Variants in CAMK1D observed in about 807,000 individuals in gnomAD.
The protein encoded by CAMK1D is calcium/calmodulin dependent protein kinase ID, also known as calcium/calmodulin-dependent protein kinase type 1D.
In CAMK1D, 9 loss-of-function variants were observed where a neutral mutation model predicts 47.7. The observed-to-expected ratio is 0.19, with a 90% confidence interval of 0.11 to 0.33. The LOEUF (loss-of-function observed/expected upper bound fraction) is 0.33, where lower values mean the gene tolerates loss of function less well. CAMK1D is among the 10% of genes least tolerant of loss of function. The pLI, the probability that CAMK1D is intolerant of heterozygous loss-of-function variation, is 1.00. For missense variants in CAMK1D, 291 were observed against 488.7 expected (o/e 0.60, Z 3.81); for synonymous variants, 184 against 184.9 (o/e 0.99, Z 0.04).
At chr10:12,507,804 T>G (rs1228375668) in intron 1 of CAMK1D, among the ~76,000 whole-genome samples, 2 of 152,222 alleles carry the variant, frequency 1.3e-5, no homozygotes, top group African/African-American at 4.8e-5. Context: ...ATAATGCATT[T>G]GTCTTTTTCT....
chr10:12,491,912 A>G (rs1232975563), intron 1 of CAMK1D, among the ~76,000 whole-genome samples: 2 of 151,972 alleles, frequency 1.3e-5, no homozygotes, highest in African/African-American at 4.8e-5. Flanking sequence ...TCAGTCTCCC[A>G]AGTAACTGGG....
intron 1 of CAMK1D, among the ~76,000 whole-genome samples, chr10:12,452,164 G>T (rs895950334): frequency 6.6e-6 from 1 of 152,086 alleles, no homozygotes; most frequent in Admixed American, 6.5e-5. Context: ...AGCAGCGTAT[G>T]GAACCCGACA....
chr10:12,633,806 C>A (rs1337336480), intron 2 of CAMK1D, among the ~76,000 whole-genome samples: 2 of 152,208 alleles, frequency 1.3e-5, no homozygotes, highest in Admixed American at 6.5e-5. Flanking sequence ...ATCCTCCTAT[C>A]TCTGCCTCCC....
At chr10:12,706,360 G>T (rs2130737548) in intron 3 of CAMK1D, among the ~76,000 whole-genome samples, 1 of 152,326 alleles carries the variant, frequency 6.6e-6, no homozygotes, top group East Asian at 1.9e-4. Flanking sequence ...GGCTAAGGGG[G>T]CTACCGTGTC....
At chr10:12,429,088 G>T (rs1465671888) in intron 1 of CAMK1D, among the ~76,000 whole-genome samples, 2 of 152,090 alleles carry the variant, frequency 1.3e-5, no homozygotes, top group African/African-American at 2.4e-5. Flanking sequence ...TGTGGCCTCT[G>T]CCCACCCACT....
At chr10:12,642,982 A>G (rs2132491307) in intron 2 of CAMK1D, among the ~76,000 whole-genome samples, 1 of 152,216 alleles carries the variant, frequency 6.6e-6, no homozygotes, top group South Asian at 2.1e-4. Context: ...TCTCCTGACT[A>G]AATTACATTT....
chr10:12,650,509 G>A (rs1369784251), intron 2 of CAMK1D, among the ~76,000 whole-genome samples: 2 of 152,188 alleles, frequency 1.3e-5, no homozygotes, highest in Non-Finnish European at 2.9e-5. Context: ...GCACTCCTGG[G>A]TCCCTTCTCT....
At chr10:12,523,202 G>A (rs1454542015) in intron 1 of CAMK1D, among the ~76,000 whole-genome samples, 6 of 151,236 alleles carry the variant, frequency 4.0e-5, no homozygotes, top group African/African-American at 1.5e-4. Context: ...GTGGGGCAGA[G>A]GTGCTCCCCA....
intron 3 of CAMK1D, among the ~76,000 whole-genome samples, chr10:12,731,403 A>G (rs12572671): frequency 0.24 from 36,969 of 152,126 alleles, 4,708 homozygotes; most frequent in East Asian, 0.38. Context: ...AGATTGGAGA[A>G]GAGGAGAAGT....
In CAMK1D at chr10:12,825,593, C is replaced by T. The variant is rs771342663; in HGVS notation, c.942C>T (p.Ala314=). Residue 314 remains alanine, a synonymous_variant, in exon 10 of 11, where the codon GCC becomes GCT. Transcript: ENST00000619168. ...SKWRQAFNAT[A]VVRHMRKLHL... is the part of the protein sequence containing the mutation. The stretch of plus-strand genomic sequence containing the variant: ...TTCAGCAAGCATTTAATGCCACGGC[C>T]GTCGTCAGACATATGAGAAAACTAC... 38 of 1,607,100 alleles carry T rather than the reference C, an allele frequency of 2.4e-5. No homozygotes were observed. The highest frequency in any genetic ancestry group is 3.4e-5 in the Admixed American group (2 of 58,030).
rs1420415765 is a variant in CAMK1D at position 12,554,483 on chromosome 10, G to A, written c.224+1127G>A. On this transcript the variant is annotated intron_variant, in intron 2 of 10. Transcript: ENST00000619168. ...ATTTTCATTTATTTCTATTACACAT[G>A]GGGAGCAAAAATATAAGAAAGTCCT... 2.8e-5 allele frequency among the ~76,000 whole-genome samples: 3 copies of A among 108,168 alleles called. 1 individual carries two copies. Among genetic ancestry groups the A allele is most frequent in the Non-Finnish European group, 4.5e-5 (2 of 44,306 alleles). The allele number at this position is 108,168 out of a possible 152,430, so 71.0% of individuals were successfully genotyped here. A position where few individuals can be genotyped will look rare whatever the true frequency, so the allele number is the denominator to read the frequency against.
At chr10:12,418,750 A>G (rs564771623) in intron 1 of CAMK1D, among the ~76,000 whole-genome samples, 2 of 152,256 alleles carry the variant, frequency 1.3e-5, no homozygotes, top group African/African-American at 4.8e-5. Context: ...ATTAAAACGA[A>G]TGAAGGTATT....
At chr10:12,613,039 C>A (rs958651237) in intron 2 of CAMK1D, among the ~76,000 whole-genome samples, 4 of 152,064 alleles carry the variant, frequency 2.6e-5, no homozygotes, top group African/African-American at 9.7e-5. Flanking sequence ...CGATCATTGG[C>A]AGGAATAAAG....
At chr10:12,564,370 G>C (rs1227651879) in intron 2 of CAMK1D, among the ~76,000 whole-genome samples, 2 of 151,770 alleles carry the variant, frequency 1.3e-5, no homozygotes, top group East Asian at 3.9e-4. Flanking sequence ...ATGTGGTTTT[G>C]GCATGATTCA....
In CAMK1D at chr10:12,774,564, T is replaced by A. The variant is rs74121112; in HGVS notation, c.565+4765T>A. 5.5e-3 allele frequency among the ~76,000 whole-genome samples: 845 copies of A among 152,302 alleles called. 8 individuals carry two copies. The highest frequency in any genetic ancestry group is 0.019 in the African/African-American group (806 of 41,552). ...TCGGTGATAGGATGCCGTGGGATGC[T>A]TCTGTGTTAAGGCAGTGACATATTG... On this transcript the variant is annotated intron_variant, in intron 5 of 10. Transcript: ENST00000619168.
chr10:12,580,231 T>TCAA (rs1158016190), intron 2 of CAMK1D, among the ~76,000 whole-genome samples: 1 of 152,130 alleles, frequency 6.6e-6, no homozygotes, highest in African/African-American at 2.4e-5. Flanking sequence ...TACGATTTGC[T>TCAA]CGTCAACATC....
intron 2 of CAMK1D, among the ~76,000 whole-genome samples, chr10:12,607,103 G>A (rs1465864035): frequency 2.6e-5 from 4 of 152,148 alleles, no homozygotes; most frequent in Admixed American, 2.6e-4. Context: ...TGGGATTATA[G>A]CATGAGCCAC....
chr10:12,541,186 G>C (rs150361060), intron 1 of CAMK1D, among the ~76,000 whole-genome samples: 276 of 152,244 alleles, frequency 1.8e-3, no homozygotes, highest in Middle Eastern at 6.8e-3. Context: ...CGGTCAGTGT[G>C]CTGAATTAGC....
At chr10:12,766,113 G>A (rs1836745316) in intron 4 of CAMK1D, among the ~76,000 whole-genome samples, 2 of 151,804 alleles carry the variant, frequency 1.3e-5, no homozygotes, top group African/African-American at 4.8e-5. Context: ...TTACGGGCAT[G>A]TGCCACCACG....
Sources: allele counts gnomAD v4.1 joint callset (sites outside exome capture counted in the v4.1 genomes callset), GRCh38; gene constraint gnomAD v4.1.1; transcripts MANE v1.5; gene names NCBI Gene and HGNC (gene_info 2026-07-23, HGNC 2026-07-21).